Variants in DLG4 observed in about 807,000 individuals in gnomAD.
The protein encoded by DLG4 is disks large homolog 4.
A neutral mutation model predicts 93.8 loss-of-function variants in DLG4; 7 were observed. The ratio of observed to expected loss-of-function variants is 0.07; its 90% CI spans 0.04 to 0.14. The LOEUF is 0.14. Among genes scored for constraint, DLG4 ranks in the 10% least tolerant of loss-of-function variants. The pLI is 1.00. For missense variants in DLG4, 545 were observed against 992.9 expected (o/e 0.55, Z 6.06); for synonymous variants, 341 against 387.6 (o/e 0.88, Z 1.41).
intron 1 of DLG4, among the ~76,000 whole-genome samples, chr17:7,211,433 T>C (rs2070700539): frequency 6.6e-6 from 1 of 151,212 alleles, no homozygotes; most frequent in African/African-American, 2.4e-5. Flanking sequence ...AGAGCCCCAG[T>C]TGCACAGAAT....
At chr17:7,209,896 G>A (rs935278518) in intron 1 of DLG4, among the ~76,000 whole-genome samples, 1 of 152,120 alleles carries the variant, frequency 6.6e-6, no homozygotes, top group Non-Finnish European at 1.5e-5. Flanking sequence ...ACAAAAATTA[G>A]CTGGGCGTGG....
chr17:7,200,624 G>A (rs1385261741), intron 8 of DLG4, among the ~76,000 whole-genome samples: 4 of 151,424 alleles, frequency 2.6e-5, no homozygotes, highest in South Asian at 2.1e-4. Flanking sequence ...TCAGCTCGCC[G>A]CAACCTCCGC....
At position 7,191,996 on chromosome 17, in the gene DLG4, G is replaced by A; in HGVS notation, c.1873C>T (p.His625Tyr). The A allele has an allele frequency of 6.9e-7, 1 of 1,439,938 alleles. No homozygotes were observed. Among genetic ancestry groups the A allele is most frequent in the South Asian group, 1.6e-5 (1 of 63,494 alleles). 89.2% of individuals were successfully genotyped at this position (1,439,938 alleles called of 1,614,324 possible). ...SVREVAEQGKHCILDVSANAV... is the reference protein window; with the variant it reads ...SVREVAEQGKYCILDVSANAV... ...TTGGCCGAGACATCGAGGATGCAGTGCTTCCCCTGGGGGCAGGCAGGGTGG... is the reference window on the plus strand; with the variant it reads ...TTGGCCGAGACATCGAGGATGCAGTACTTCCCCTGGGGGCAGGCAGGGTGG... Residue 625 changes from histidine to tyrosine, a missense_variant, in exon 18 of 20, where the codon CAC (histidine) becomes TAC (tyrosine). His to Tyr is a moderately conservative substitution (Grantham distance 83). Transcript: ENST00000399506. This position sits in a 1 kb window ranked among gnomAD's most constrained non-coding sequence, Gnocchi z 6.6.
upstream of DLG4, chr17:7,219,082 G>T: frequency 1.7e-6 from 1 of 593,098 alleles, no homozygotes. Context: ...CCAGCAAAGA[G>T]GGCCTCCTCA....
Position 7,208,082 on chromosome 17 carries a change from G to A in DLG4, c.96+92C>T, listed in dbSNP as rs2070559849. 3.8e-6 allele frequency: 5 copies of A among 1,314,772 alleles called. No individual in the cohort carries two copies. In the East Asian group the frequency reaches 8.4e-5, roughly 22 times the overall value. The allele number at this position is 1,314,772 out of a possible 1,614,324, so 81.4% of individuals were successfully genotyped here. ...GCCACCAGGGTCTCCTACCTTGAAG[G>A]GGGAGAGGTGGGCGTGGCCCACGAC... On this transcript the variant is annotated intron_variant, in intron 2 of 19. Coordinates refer to ENST00000399506, the MANE Select transcript of DLG4 (RefSeq NM_001321075.3). This position sits in a 1 kb window ranked among gnomAD's most constrained non-coding sequence, Gnocchi z 5.4.
chr17:7,198,482 C>CAAA (rs35353536), intron 8 of DLG4, among the ~76,000 whole-genome samples: 5 of 117,054 alleles, frequency 4.3e-5, no homozygotes, highest in African/African-American at 6.8e-5. Context: ...GACTCCCTCT[C>CAAA]AAAAAAAAAA....
At chr17:7,207,364 C>G (rs1321332355) in intron 2 of DLG4, among the ~76,000 whole-genome samples, 1 of 151,726 alleles carries the variant, frequency 6.6e-6, no homozygotes, top group Non-Finnish European at 1.5e-5. Context: ...GCCAGCCAGC[C>G]AGCCAGCAGG....
chr17:7,214,473 C>T (rs2070826396), intron 1 of DLG4, among the ~76,000 whole-genome samples: 1 of 152,194 alleles, frequency 6.6e-6, no homozygotes, highest in South Asian at 2.1e-4. Flanking sequence ...CTCGCCCACA[C>T]TGTCCCTCCG....
chr17:7,204,059 C>G lies in DLG4; in HGVS notation c.159G>C (p.Gln53His). The change falls in exon 4 of 20, where the codon CAG becomes CAC. Residue 53 changes from glutamine to histidine, a missense_variant. Gln to His is a conservative substitution (Grantham distance 24, BLOSUM62 0). Transcript: ENST00000399506. ...CCATCTCCCCCTCGGTCCCGTTCAC[C>G]TGCAACTCCAGCACGGGACAGAAAC... is the stretch of plus-strand genomic sequence containing the variant. Reference protein sequence around the residue: ...DTLEAPGYELQVNGTEGEMEY... With the variant: ...DTLEAPGYELHVNGTEGEMEY... 6.2e-7 allele frequency: 1 copy of G among 1,609,282 alleles called. No individual in the cohort carries two copies. Among genetic ancestry groups the G allele is most frequent in the Middle Eastern group, 1.7e-4 (1 of 6,058 alleles).
chr17:7,191,434 G>T lies in DLG4; in HGVS notation c.1977-76C>A. On this transcript the variant is annotated intron_variant, in intron 18 of 19. Coordinates refer to ENST00000399506, the MANE Select transcript of DLG4 (RefSeq NM_001321075.3). This position sits in a 1 kb window ranked among gnomAD's most constrained non-coding sequence, Gnocchi z 6.6. ...CCTTTTATCTCCTCTATCCAGGAATGTTAAGTATTCTTCTATTTGGAGCAC... is the reference window on the plus strand; with the variant it reads ...CCTTTTATCTCCTCTATCCAGGAATTTTAAGTATTCTTCTATTTGGAGCAC... 1 of 1,123,076 alleles carries T rather than the reference G, an allele frequency of 8.9e-7. No individual in the cohort carries two copies. Among genetic ancestry groups the T allele is most frequent in the Non-Finnish European group, 1.3e-6 (1 of 744,786 alleles). The allele number at this position is 1,123,076 out of a possible 1,614,324, so 69.6% of individuals were successfully genotyped here.
Position 7,217,589 on chromosome 17 carries a change from G to GGGAGCCGT in DLG4, c.-450_-443dup. 7.1e-7 allele frequency: 1 copy of GGGAGCCGT among 1,402,070 alleles called. No homozygotes were observed. Among genetic ancestry groups the GGGAGCCGT allele is most frequent in the African/African-American group, 1.5e-5 (1 of 66,036 alleles). 86.9% of individuals were successfully genotyped at this position (1,402,070 alleles called of 1,614,324 possible). A position where few individuals can be genotyped will look rare whatever the true frequency, so the allele number is the denominator to read the frequency against. On this transcript the variant is annotated 5_prime_UTR_variant, in exon 1 of 20. Coordinates refer to ENST00000399506, the MANE Select transcript of DLG4 (RefSeq NM_001321075.3). ...GGGGGTTGGAAACGGCAGCGGCCGA[G>GGGAGCCGT]GGAGCCGTGGAGCCGAAGAGGGAAG...
In DLG4 at chr17:7,203,152, C is replaced by T. The variant is rs564894096; in HGVS notation, c.642+41G>A. ...GGCCTGCCAGGGCTAGTAGGTGAGA[C>T]CCAAATCTGGGCTAGAAAATGGGCT... On this transcript the variant is annotated intron_variant, in intron 7 of 19. Coordinates refer to ENST00000399506, the MANE Select transcript of DLG4 (RefSeq NM_001321075.3). The surrounding 1 kb of genome is among the most constrained non-coding windows in gnomAD (Gnocchi z 7.2). 6.4e-7 allele frequency: 1 copy of T among 1,571,604 alleles called. No individual in the cohort carries two copies. The highest frequency in any genetic ancestry group is 2.3e-5 in the East Asian group (1 of 44,142).
chr17:7,189,859 C>T lies in DLG4; in HGVS notation c.*849G>A, dbSNP rs1253561319. 1 of 152,654 alleles carries T rather than the reference C, an allele frequency of 6.6e-6. No homozygotes were observed. Among genetic ancestry groups the T allele is most frequent in the East Asian group, 1.9e-4 (1 of 5,194 alleles). The allele number at this position is 152,654 out of a possible 1,614,324, so 9.5% of individuals were successfully genotyped here. A position where few individuals can be genotyped will look rare whatever the true frequency, so the allele number is the denominator to read the frequency against. On this transcript the variant is annotated 3_prime_UTR_variant, in exon 20 of 20. Coordinates refer to ENST00000399506, the MANE Select transcript of DLG4 (RefSeq NM_001321075.3). ...TGCTGCGCCCATCTCCCTCCACACC[C>T]AGGTCCCAAATAACCAGGCCACACA...
At chr17:7,213,174 T>C (rs545252559) in intron 1 of DLG4, among the ~76,000 whole-genome samples, 1 of 142,776 alleles carries the variant, frequency 7.0e-6, no homozygotes, top group East Asian at 2.1e-4. Flanking sequence ...CTCGGCTTAC[T>C]GCAACATCCG....
At chr17:7,205,278 G>A in intron 2 of DLG4, 1 of 656,780 alleles carries the variant, frequency 1.5e-6, no homozygotes, top group Non-Finnish European at 1.9e-6. Flanking sequence ...GGCGTGCCCA[G>A]GTCCCTGACG....
In DLG4 at chr17:7,188,909, C is replaced by T. The variant is rs1023468187; in HGVS notation, c.*1799G>A. Among the ~76,000 whole-genome samples the T allele has an allele frequency of 5.9e-5, 9 of 151,914 alleles. No individual in the cohort carries two copies. Among genetic ancestry groups the T allele is most frequent in the Non-Finnish European group, 1.2e-4 (8 of 67,986 alleles). The stretch of plus-strand genomic sequence containing the variant: ...GGCGGATCACCTGAGGTCAGGAGTT[C>T]GAGACCAGCCTGGCCAACAAAGCAA... On this transcript the variant is annotated 3_prime_UTR_variant, in exon 20 of 20. Coordinates refer to ENST00000399506, the MANE Select transcript of DLG4 (RefSeq NM_001321075.3).
At chr17:7,217,043 C>G in intron 1 of DLG4, 75 bp downstream of exon 1, 1 of 1,224,010 alleles carries the variant, frequency 8.2e-7, no homozygotes, top group Non-Finnish European at 1.0e-6. Flanking sequence ...GGCGCCAGTC[C>G]CAGATAAGGC....
rs1003289198 is a variant in DLG4 at position 7,191,048 on chromosome 17, C to T, written c.2068+219G>A. On this transcript the variant is annotated intron_variant, in intron 19 of 19. Transcript: ENST00000399506. This position sits in a 1 kb window ranked among gnomAD's most constrained non-coding sequence, Gnocchi z 6.6. ...GCAGTGGTGCGATCTCGGCTCACTG[C>T]AACCTCTGCCTCCCAGGTTCAAGCG... is the stretch of plus-strand genomic sequence containing the variant. 7.0e-6 allele frequency among the ~76,000 whole-genome samples: 1 copy of T among 142,652 alleles called. No individual in the cohort carries two copies. The highest frequency in any genetic ancestry group is 2.7e-5 in the African/African-American group (1 of 37,312). The allele number at this position is 142,652 out of a possible 152,430, so 93.6% of individuals were successfully genotyped here.
chr17:7,215,774 G>A (rs941874587), intron 1 of DLG4, among the ~76,000 whole-genome samples: 2 of 152,158 alleles, frequency 1.3e-5, no homozygotes, highest in Admixed American at 6.5e-5. Flanking sequence ...TTGTGGCAGG[G>A]AACATGTGTG....
Sources: allele counts gnomAD v4.1 joint callset (sites outside exome capture counted in the v4.1 genomes callset), GRCh38; gene constraint gnomAD v4.1.1; non-coding constraint Gnocchi (gnomAD v3.1); transcripts MANE v1.5; gene names NCBI Gene and HGNC (gene_info 2026-07-23, HGNC 2026-07-21).